Variants in GPHN observed in about 807,000 individuals in gnomAD.
GPHN encodes gephyrin.
In GPHN, 17 loss-of-function variants were observed where a neutral mutation model predicts 95.5. The observed-to-expected ratio is 0.18, with a 90% confidence interval of 0.12 to 0.27. The LOEUF (loss-of-function observed/expected upper bound fraction) is 0.27, where lower values mean the gene tolerates loss of function less well. Among genes scored for constraint, GPHN ranks in the 10% least tolerant of loss-of-function variants. The pLI, the probability that GPHN is intolerant of heterozygous loss-of-function variation, is 1.00. For synonymous variants in GPHN, 320 were observed against 322.5 expected (o/e 0.99, Z 0.08); for missense variants, 660 against 978.1 (o/e 0.67, Z 4.34).
chr14:67,159,596 C>A, intron 19 of GPHN, 108 bp downstream of exon 19: 7 of 761,698 alleles, frequency 9.2e-6, no homozygotes, highest in South Asian at 5.7e-5. Context: ...ATTAACTATT[C>A]CAAAAAAAAA....
the GPHN span, among the ~76,000 whole-genome samples, chr14:67,688,867 A>C: frequency 5.3e-5 from 8 of 152,128 alleles, no homozygotes; most frequent in Admixed American, 5.2e-4. Context: ...AAGAGACTAT[A>C]CCTATCTTGT....
chr14:67,375,141 A>T, the GPHN span, among the ~76,000 whole-genome samples: 2 of 152,176 alleles, frequency 1.3e-5, no homozygotes, highest in Non-Finnish European at 2.9e-5. Context: ...AAGCAGCAGC[A>T]AAGCAAAGAT....
Position 66,585,257 on chromosome 14 carries a change from C to T in GPHN, c.64+76666C>T, listed in dbSNP as rs117963253. Among the ~76,000 whole-genome samples, 520 of 152,064 alleles carry T rather than the reference C, an allele frequency of 3.4e-3. 1 individual carries two copies. The highest frequency in any genetic ancestry group is 6.2e-3 in the Non-Finnish European group (419 of 67,976). ...ATATCCCCTTTGTTATTTTTTGTCA[C>T]GTCTATTTGATTCTTCTCTCTTTTC... is the stretch of plus-strand genomic sequence containing the variant. On this transcript the variant is annotated intron_variant, in intron 1 of 22. Coordinates refer to ENST00000478722, the MANE Select transcript of GPHN (RefSeq NM_020806.5).
chr14:66,636,105 C>A (rs570313940), intron 1 of GPHN, among the ~76,000 whole-genome samples: 1 of 152,112 alleles, frequency 6.6e-6, no homozygotes, highest in Non-Finnish European at 1.5e-5. Context: ...ATAAATTGCT[C>A]CCTGGATATT....
At chr14:67,055,028 A>G (rs762255604) in intron 10 of GPHN, among the ~76,000 whole-genome samples, 10 of 152,248 alleles carry the variant, frequency 6.6e-5, no homozygotes, top group Non-Finnish European at 1.3e-4. Context: ...TTCAGGACAT[A>G]GATACGGACA....
chr14:66,978,123 A>G (rs1237348686), intron 9 of GPHN, among the ~76,000 whole-genome samples: 1 of 152,152 alleles, frequency 6.6e-6, no homozygotes, highest in Non-Finnish European at 1.5e-5. Context: ...TTAGTCCTAA[A>G]CCGTTATTAC....
At chr14:66,894,088 C>T (rs945239246) in intron 5 of GPHN, among the ~76,000 whole-genome samples, 4 of 152,102 alleles carry the variant, frequency 2.6e-5, no homozygotes, top group Non-Finnish European at 5.9e-5. Flanking sequence ...AGCTGGAGGC[C>T]TCACACTACC....
the GPHN span, among the ~76,000 whole-genome samples, chr14:67,356,688 A>G: frequency 2.0e-5 from 3 of 152,182 alleles, no homozygotes; most frequent in Non-Finnish European, 4.4e-5. Flanking sequence ...GCTCAAACTA[A>G]GGCTCCAACC....
At chr14:67,541,768 T>C in the GPHN span, 9 of 1,147,066 alleles carry the variant, frequency 7.8e-6, no homozygotes, top group South Asian at 1.3e-4. Flanking sequence ...CCTCCCGTTC[T>C]TTCCCCACAG....
the GPHN span, chr14:67,695,932 G>C: frequency 1.9e-6 from 1 of 529,378 alleles, no homozygotes; most frequent in Admixed American, 3.5e-5. Context: ...CTAGGGCTTA[G>C]GGCCTGTGGG....
chr14:67,358,919 T>A, the GPHN span, among the ~76,000 whole-genome samples: 1 of 152,304 alleles, frequency 6.6e-6, no homozygotes, highest in East Asian at 1.9e-4. Flanking sequence ...TATTTTTTTG[T>A]GGACCTTCTA....
the GPHN span, chr14:67,503,607 C>T: frequency 6.6e-6 from 1 of 152,232 alleles, no homozygotes; most frequent in Non-Finnish European, 1.5e-5. Context: ...GAGTCAGATT[C>T]TTTCCATTCA....
chr14:66,516,273 C>T (rs1283597115), intron 1 of GPHN, among the ~76,000 whole-genome samples: 5 of 151,962 alleles, frequency 3.3e-5, no homozygotes, highest in African/African-American at 1.2e-4. Context: ...CTGCCTTAGC[C>T]TCCCAAAGTG....
chr14:67,510,295 G>T, the GPHN span, among the ~76,000 whole-genome samples: 1 of 152,234 alleles, frequency 6.6e-6, no homozygotes, highest in African/African-American at 2.4e-5. Context: ...GGGCTGAAAT[G>T]GGCTGTCCAA....
the GPHN span, chr14:67,727,485 G>GTT: frequency 1.8e-3 from 467 of 257,350 alleles, no homozygotes; most frequent in East Asian, 6.2e-3. Context: ...TGTTTTTTTT[G>GTT]TTTTTTTTTT....
chr14:67,164,404 A>G (rs1183110733), intron 19 of GPHN, among the ~76,000 whole-genome samples: 4 of 152,148 alleles, frequency 2.6e-5, no homozygotes, highest in African/African-American at 4.8e-5. Context: ...TTAAAAGGCT[A>G]ATACAGAAGG....
chr14:67,393,426 G>A, the GPHN span, among the ~76,000 whole-genome samples: 1 of 152,056 alleles, frequency 6.6e-6, no homozygotes, highest in African/African-American at 2.4e-5. Flanking sequence ...AAGTGAAGCC[G>A]CCATGATGAT....
At chr14:67,047,320 G>T (rs1050528337) in intron 10 of GPHN, among the ~76,000 whole-genome samples, 2 of 114,360 alleles carry the variant, frequency 1.7e-5, no homozygotes, top group South Asian at 3.0e-4. Context: ...CATTTATTTT[G>T]TGTGTGTGTG....
intron 1 of GPHN, among the ~76,000 whole-genome samples, chr14:66,665,751 T>C (rs1024472601): frequency 3.3e-5 from 5 of 152,148 alleles, no homozygotes; most frequent in African/African-American, 1.2e-4. Flanking sequence ...CATTACTGGG[T>C]ATATACCCAA....
Sources: gnomAD v4.1 joint callset for allele counts (sites outside exome capture counted in the v4.1 genomes callset) on GRCh38, gnomAD v4.1.1 for gene constraint, MANE v1.5 for transcripts, NCBI Gene and HGNC (gene_info 2026-07-23, HGNC 2026-07-21) for gene names.